The following AUTS2 variants were observed in gnomAD, a reference collection of about 807,000 sequenced individuals.
The protein encoded by AUTS2 is activator of transcription and developmental regulator AUTS2, also known as autism susceptibility gene 2 protein.
AUTS2 carries 17 observed loss-of-function variants against 112.4 expected under a neutral mutation model. The ratio of observed to expected loss-of-function variants is 0.15; its 90% CI spans 0.10 to 0.23. The LOEUF is 0.23. Ranked by LOEUF, AUTS2 falls within the 10% of genes least tolerant of loss-of-function variation. The pLI is 1.00. For missense variants in AUTS2, 1,510 were observed against 1,701.6 expected, an observed-to-expected ratio of 0.89 and a Z score of 1.98; for synonymous variants, 751 against 702.7, an observed-to-expected ratio of 1.07 and a Z score of -1.09.
At chr7:70,616,329 C>G (rs1206278751) in intron 5 of AUTS2, among the ~76,000 whole-genome samples, 1 of 152,208 alleles carries the variant, frequency 6.6e-6, no homozygotes, top group African/African-American at 2.4e-5. Context: ...GGCTCAGAGC[C>G]TCTCAGCAGC....
At chr7:70,688,500 TG>T (rs1054589010) in intron 5 of AUTS2, among the ~76,000 whole-genome samples, 33 of 151,860 alleles carry the variant, frequency 2.2e-4, no homozygotes, top group African/African-American at 7.7e-4. Flanking sequence ...CAAATTGAGG[TG>T]GTGGGTCCTC....
At chr7:70,747,137 AT>A (rs1249289698) in intron 6 of AUTS2, among the ~76,000 whole-genome samples, 1 of 152,164 alleles carries the variant, frequency 6.6e-6, no homozygotes, top group Non-Finnish European at 1.5e-5. Context: ...ATTTAGGTTA[AT>A]TTGTGTAGCT....
At chr7:69,912,839 T>G (rs939416653) in intron 2 of AUTS2, among the ~76,000 whole-genome samples, 12 of 152,218 alleles carry the variant, frequency 7.9e-5, no homozygotes, top group African/African-American at 2.7e-4. Context: ...GCTTCCTGTT[T>G]CCTTGTTCCT....
chr7:70,580,820 T>C (rs1336748585), intron 5 of AUTS2, among the ~76,000 whole-genome samples: 2 of 152,214 alleles, frequency 1.3e-5, no homozygotes, highest in Non-Finnish European at 2.9e-5. Flanking sequence ...CGACAGGATT[T>C]GCAGAGGAAC....
intron 1 of AUTS2, among the ~76,000 whole-genome samples, chr7:69,611,906 C>T (rs1258232644): frequency 8.5e-6 from 1 of 117,650 alleles, no homozygotes. Flanking sequence ...GTCCGCAGTC[C>T]GGCCTGGGCG....
intron 4 of AUTS2, among the ~76,000 whole-genome samples, chr7:70,224,095 A>G (rs1446170494): frequency 2.0e-5 from 3 of 152,074 alleles, no homozygotes; most frequent in South Asian, 2.1e-4. Context: ...CAGGTGGATC[A>G]CTTGAGCCCA....
At chr7:70,515,723 TA>T (rs1475544016) in intron 5 of AUTS2, among the ~76,000 whole-genome samples, 1 of 151,982 alleles carries the variant, frequency 6.6e-6, no homozygotes, top group East Asian at 1.9e-4. Context: ...TCTTTTTTTT[TA>T]AATTTTATTT....
At chr7:69,851,305 T>G (rs1351522645) in intron 1 of AUTS2, among the ~76,000 whole-genome samples, 1 of 152,250 alleles carries the variant, frequency 6.6e-6, no homozygotes, top group South Asian at 2.1e-4. Context: ...TATTCTTTTT[T>G]GTTAATAGTT....
At chr7:69,771,391 A>T (rs1411288626) in intron 1 of AUTS2, among the ~76,000 whole-genome samples, 2 of 152,212 alleles carry the variant, frequency 1.3e-5, no homozygotes, top group Admixed American at 1.3e-4. Context: ...GCATGCAGGT[A>T]GGTCCCAGGC....
chr7:70,023,464 G>A (rs1357782942), intron 2 of AUTS2, among the ~76,000 whole-genome samples: 1 of 152,168 alleles, frequency 6.6e-6, no homozygotes, highest in African/African-American at 2.4e-5. Flanking sequence ...GGAGAGTAGT[G>A]ATGGAAGGGC....
intron 2 of AUTS2, among the ~76,000 whole-genome samples, chr7:70,008,858 A>G (rs1418576082): frequency 6.6e-6 from 1 of 152,120 alleles, no homozygotes; most frequent in Non-Finnish European, 1.5e-5. Context: ...TTTTTTTCAT[A>G]TTACCCAAAG....
intron 5 of AUTS2, among the ~76,000 whole-genome samples, chr7:70,444,881 A>G (rs1288779445): frequency 2.6e-5 from 4 of 152,164 alleles, no homozygotes; most frequent in Admixed American, 6.5e-5. Context: ...TTTGGGCTTC[A>G]TCTTTTCTTT....
intron 5 of AUTS2, among the ~76,000 whole-genome samples, chr7:70,468,911 C>A (rs960448557): frequency 6.6e-6 from 1 of 152,110 alleles, no homozygotes; most frequent in Admixed American, 6.5e-5. Context: ...TGTGGAGTGG[C>A]TGCAGCAAAT....
chr7:69,978,052 G>A (rs1232946612), intron 2 of AUTS2, among the ~76,000 whole-genome samples: 1 of 152,112 alleles, frequency 6.6e-6, no homozygotes, highest in East Asian at 1.9e-4. Flanking sequence ...TAAAACAGTG[G>A]TTAAATAACA....
intron 1 of AUTS2, among the ~76,000 whole-genome samples, chr7:69,669,106 T>A (rs947502433): frequency 1.1e-4 from 17 of 152,184 alleles, no homozygotes; most frequent in African/African-American, 3.1e-4. Flanking sequence ...TTTTCTACAT[T>A]CTGCTGTATG....
intron 1 of AUTS2, among the ~76,000 whole-genome samples, chr7:69,774,470 G>A (rs1481279522): frequency 2.6e-5 from 4 of 152,216 alleles, no homozygotes; most frequent in Admixed American, 6.5e-5. Flanking sequence ...GAAGATCACC[G>A]CATGAATGCG....
At chr7:70,246,805 T>C (rs928621122) in intron 4 of AUTS2, among the ~76,000 whole-genome samples, 3 of 152,264 alleles carry the variant, frequency 2.0e-5, no homozygotes, top group African/African-American at 7.2e-5. Context: ...CTTTATGATA[T>C]TGATTCTTCT....
intron 5 of AUTS2, among the ~76,000 whole-genome samples, chr7:70,601,716 C>G (rs891497617): frequency 6.6e-6 from 1 of 151,952 alleles, no homozygotes. Context: ...TGTGGGCAGA[C>G]CTTCTAGTAT....
At chr7:69,724,694 A>T (rs1334556886) in intron 1 of AUTS2, among the ~76,000 whole-genome samples, 1 of 152,194 alleles carries the variant, frequency 6.6e-6, no homozygotes, top group African/African-American at 2.4e-5. Context: ...AAACTCTCTT[A>T]GTGATCATTG....
Sources: gnomAD v4.1 joint callset for allele counts (sites outside exome capture counted in the v4.1 genomes callset) on GRCh38, gnomAD v4.1.1 for gene constraint, MANE v1.5 for transcripts, NCBI Gene and HGNC (gene_info 2026-07-23, HGNC 2026-07-21) for gene names.